Variants in SNTG2 observed in about 807,000 individuals in gnomAD.
The protein encoded by SNTG2 is gamma-2-syntrophin.
Under a neutral mutation model 70.9 loss-of-function variants are expected in SNTG2, and 74 were observed. The ratio of observed to expected loss-of-function variants is 1.04; its 90% CI spans 0.86 to 1.27. The LOEUF is 1.27. Ranked by LOEUF, SNTG2 falls within the 50% of genes most tolerant of loss-of-function variation. The pLI, the probability that SNTG2 is intolerant of heterozygous loss-of-function variation, is 0.00. For synonymous variants in SNTG2, 278 were observed against 273.8 expected (o/e 1.02, Z -0.15); for missense variants, 717 against 690.7 (o/e 1.04, Z -0.43).
intron 7 of SNTG2, among the ~76,000 whole-genome samples, chr2:1,168,139 A>T (rs58654473): frequency 7.0e-6 from 1 of 142,052 alleles, no homozygotes; most frequent in Non-Finnish European, 1.5e-5. Context: ...CAGACGGCAG[A>T]ACTGAAACCT....
intron 9 of SNTG2, among the ~76,000 whole-genome samples, chr2:1,214,634 T>G (rs553030641): frequency 6.6e-6 from 1 of 152,296 alleles, no homozygotes; most frequent in South Asian, 2.1e-4. Context: ...GTCTAACAGT[T>G]TTTTTGAGTC....
intron 8 of SNTG2, among the ~76,000 whole-genome samples, chr2:1,183,555 A>C (rs1335692105): frequency 6.6e-6 from 1 of 152,220 alleles, no homozygotes; most frequent in Admixed American, 6.5e-5. Context: ...GATAGAGAAT[A>C]GTATTTCTTT....
chr2:1,083,694 G>C (rs181045671), intron 2 of SNTG2, 39 bp downstream of exon 2: 2 of 1,610,392 alleles, frequency 1.2e-6, no homozygotes, highest in South Asian at 1.1e-5. Context: ...GGAGTGTTTC[G>C]GACGAGCCCC....
intron 16 of SNTG2, among the ~76,000 whole-genome samples, chr2:1,359,615 G>A (rs941810207): frequency 2.1e-4 from 32 of 152,168 alleles, no homozygotes; most frequent in Admixed American, 1.4e-3. Context: ...TGTTTTTGTT[G>A]TTGTCTATTT....
At chr2:965,988 A>G (rs929023656) in intron 1 of SNTG2, among the ~76,000 whole-genome samples, 11 of 151,982 alleles carry the variant, frequency 7.2e-5, no homozygotes, top group African/African-American at 2.7e-4. Context: ...GCTCCCACTC[A>G]GTCCCTGCTT....
intron 1 of SNTG2, among the ~76,000 whole-genome samples, chr2:1,039,008 C>T (rs1350425245): frequency 6.6e-6 from 1 of 152,198 alleles, no homozygotes; most frequent in African/African-American, 2.4e-5. Context: ...TTCCACTTTG[C>T]AAATCTGTAA....
At chr2:1,272,225 C>CA (rs36147834) in intron 14 of SNTG2, among the ~76,000 whole-genome samples, 13,543 of 151,788 alleles carry the variant, frequency 0.089, 807 homozygotes, top group Non-Finnish European at 0.13. Flanking sequence ...TGTGTTCCTG[C>CA]AACTAGACGG....
chr2:1,360,976 T>A (rs1357036693), intron 16 of SNTG2, among the ~76,000 whole-genome samples: 1 of 152,196 alleles, frequency 6.6e-6, no homozygotes, highest in Non-Finnish European at 1.5e-5. Context: ...TATGGAATAT[T>A]CAAAGCTGAT....
rs561345025 is a variant in SNTG2 at position 1,159,735 on chromosome 2, G to A, written c.412-5813G>A. On this transcript the variant is annotated intron_variant, in intron 6 of 16. Transcript: ENST00000308624. ...AAAGAAATAATAAAAATGAAGATGC[G>A]AATTTGTAGAAGAGAAAACATAGAG... Among the ~76,000 whole-genome samples, 5 of 152,192 alleles carry A rather than the reference G, an allele frequency of 3.3e-5. No homozygotes were observed. The East Asian group carries it at 5.8e-4, about 18-fold the overall frequency.
chr2:1,316,220 T>C, intron 15 of SNTG2, 45 bp from the exon 16 acceptor site: 1 of 926,532 alleles, frequency 1.1e-6, no homozygotes, highest in Non-Finnish European at 1.7e-6. Context: ...ATTAAATAAA[T>C]GAGCTCTTGT....
chr2:1,254,025 G>C (rs1008179903), intron 12 of SNTG2, among the ~76,000 whole-genome samples: 4 of 152,110 alleles, frequency 2.6e-5, no homozygotes, highest in Admixed American at 6.5e-5. Context: ...AGCACCAAAG[G>C]GCAAATCCAC....
At chr2:1,064,541 G>A (rs2148121341) in intron 1 of SNTG2, among the ~76,000 whole-genome samples, 1 of 151,878 alleles carries the variant, frequency 6.6e-6, no homozygotes, top group East Asian at 1.9e-4. Flanking sequence ...TATAGAGGAT[G>A]GGAGGAGTTA....
At chr2:960,292 A>C in intron 1 of SNTG2, among the ~76,000 whole-genome samples, 1 of 152,212 alleles carries the variant, frequency 6.6e-6, no homozygotes, top group East Asian at 1.9e-4. Flanking sequence ...AGGATCCCAC[A>C]GTGGGGAATG....
chr2:1,084,409 C>T (rs1192033934), intron 2 of SNTG2, among the ~76,000 whole-genome samples: 1 of 152,178 alleles, frequency 6.6e-6, no homozygotes, highest in African/African-American at 2.4e-5. Flanking sequence ...CTCCTGTGAA[C>T]ATCCTGGCTC....
chr2:1,340,813 TG>T (rs1660046357), intron 16 of SNTG2, among the ~76,000 whole-genome samples: 1 of 152,256 alleles, frequency 6.6e-6, no homozygotes, highest in Non-Finnish European at 1.5e-5. Context: ...TGAATTAATG[TG>T]GGATGTTTTG....
In SNTG2 at chr2:1,165,589, C is replaced by T. The variant is rs372474874; in HGVS notation, c.453C>T (p.Thr151=). ...ATGCTGGCGATGAAGTTACCATCAC[C>T]GTTGAGTATCTCAGGGAAGCGCCGG... ...LRNAGDEVTI[T]VEYLREAPAF... is the part of the protein sequence containing the mutation. The change falls in exon 7 of 17, where the codon ACC becomes ACT. Residue 151 remains threonine (T), a synonymous_variant. Coordinates refer to ENST00000308624, the MANE Select transcript of SNTG2 (RefSeq NM_018968.4). 373 of 1,612,710 alleles carry T rather than the reference C, an allele frequency of 2.3e-4. No individual in the cohort carries two copies. Among genetic ancestry groups the T allele is most frequent in the South Asian group, 4.5e-4 (41 of 90,700 alleles).
Position 1,173,092 on chromosome 2 carries a change from G to A in SNTG2, c.500G>A (p.Gly167Glu), listed in dbSNP as rs767262934. ...EAPAFLKLPL[G>E]SPGPSSDHSS... ...AGGGACTTCTCTTGTTTTGCTGCAG[G>A]GTCCCCAGGGCCATCCAGCGACCAC... The change falls in exon 8 of 17, where the codon GGG becomes GAG. Residue 167 changes from glycine to glutamate, a missense_variant and splice_region_variant. Gly to Glu is a moderately conservative substitution (Grantham distance 98). Transcript: ENST00000308624. 9.3e-6 allele frequency: 15 copies of A among 1,613,360 alleles called. No individual in the cohort carries two copies. Among genetic ancestry groups the A allele is most frequent in the Non-Finnish European group, 1.3e-5 (15 of 1,179,646 alleles).
intron 14 of SNTG2, among the ~76,000 whole-genome samples, chr2:1,308,222 C>T (rs1170429450): frequency 6.6e-6 from 1 of 152,152 alleles, no homozygotes; most frequent in African/African-American, 2.4e-5. Context: ...GGGCTCTGTG[C>T]ATTTGTTCTG....
chr2:1,058,214 G>GA (rs147021151), intron 1 of SNTG2, among the ~76,000 whole-genome samples: 1,815 of 150,230 alleles, frequency 0.012, 35 homozygotes, highest in African/African-American at 0.041. Context: ...ACAGTTTTTT[G>GA]AAAAAAAAAG....
Sources: gnomAD v4.1 joint callset for allele counts (sites outside exome capture counted in the v4.1 genomes callset) on GRCh38, gnomAD v4.1.1 for gene constraint, MANE v1.5 for transcripts, NCBI Gene and HGNC (gene_info 2026-07-23, HGNC 2026-07-21) for gene names.